NLGN1: variants seen among roughly 807,000 people sequenced by gnomAD.
NLGN1 encodes neuroligin 1, also known as neuroligin-1.
Under a neutral mutation model 65.5 loss-of-function variants are expected in NLGN1, and 12 were observed. The observed-to-expected ratio is 0.18, with a 90% CI of 0.12 to 0.30. The LOEUF (loss-of-function observed/expected upper bound fraction) is 0.30, where lower values mean the gene tolerates loss of function less well. Among genes scored for constraint, NLGN1 ranks in the 10% least tolerant of loss-of-function variants. The pLI is 1.00. For missense variants in NLGN1, 750 were observed against 1,007.1 expected, an observed-to-expected ratio of 0.74 and a Z score of 3.46; for synonymous variants, 350 against 359.5, an observed-to-expected ratio of 0.97 and a Z score of 0.30.
At chr3:173,519,731 C>G (rs1486501944) in intron 2 of NLGN1, among the ~76,000 whole-genome samples, 2 of 150,990 alleles carry the variant, frequency 1.3e-5, no homozygotes, top group African/African-American at 2.4e-5. Flanking sequence ...TATTTTACAC[C>G]CTTTTAAGTG....
chr3:173,911,439 G>A (rs1739571775), intron 4 of NLGN1, among the ~76,000 whole-genome samples: 1 of 152,168 alleles, frequency 6.6e-6, no homozygotes, highest in Non-Finnish European at 1.5e-5. Flanking sequence ...TGTCTAATGA[G>A]TCAAAAATAT....
intron 2 of NLGN1, among the ~76,000 whole-genome samples, chr3:173,489,899 G>A (rs1728819957): frequency 6.6e-6 from 1 of 152,062 alleles, no homozygotes; most frequent in African/African-American, 2.4e-5. Context: ...AGAAGTGTCT[G>A]TTCATATCCT....
chr3:173,587,896 A>C (rs934522708), intron 2 of NLGN1, among the ~76,000 whole-genome samples: 18 of 151,790 alleles, frequency 1.2e-4, no homozygotes, highest in African/African-American at 4.1e-4. Flanking sequence ...TTTGCTATAG[A>C]TTCTTTCTAT....
intron 4 of NLGN1, among the ~76,000 whole-genome samples, chr3:173,809,303 T>C (rs1297171868): frequency 6.6e-6 from 1 of 152,204 alleles, no homozygotes; most frequent in East Asian, 1.9e-4. Context: ...CCTTGAATTC[T>C]TAAATCTTAA....
chr3:174,154,993 T>TATTATAA (rs1553948777), intron 4 of NLGN1, among the ~76,000 whole-genome samples: 2,333 of 122,410 alleles, frequency 0.019, 51 homozygotes, highest in Middle Eastern at 0.073. Context: ...TATTATATAT[T>TATTATAA]ATATATATTT....
At chr3:174,144,129 T>G (rs1379562419) in intron 4 of NLGN1, among the ~76,000 whole-genome samples, 1 of 152,188 alleles carries the variant, frequency 6.6e-6, no homozygotes, top group Non-Finnish European at 1.5e-5. Context: ...TGTGTTCTCA[T>G]TGTTCAACTC....
intron 4 of NLGN1, among the ~76,000 whole-genome samples, chr3:174,105,724 T>TCTATATCTATATGTAG (rs1561054070): frequency 2.0e-5 from 3 of 152,128 alleles, no homozygotes; most frequent in African/African-American, 4.8e-5. Flanking sequence ...TAGATATATA[T>TCTATATCTATATGTAG]ATATCTTACT....
intron 2 of NLGN1, among the ~76,000 whole-genome samples, chr3:173,474,173 C>T (rs564153962): frequency 1.3e-5 from 2 of 151,962 alleles, no homozygotes; most frequent in Non-Finnish European, 2.9e-5. Context: ...TCTCTTCCTC[C>T]TCTTGCTCCT....
chr3:173,792,587 G>A (rs1713044175), intron 3 of NLGN1, among the ~76,000 whole-genome samples: 1 of 151,988 alleles, frequency 6.6e-6, no homozygotes, highest in South Asian at 2.1e-4. Context: ...AAATACACAA[G>A]GTCTAAGGAT....
chr3:173,984,039 C>A (rs1007329297), intron 4 of NLGN1, among the ~76,000 whole-genome samples: 1 of 152,148 alleles, frequency 6.6e-6, no homozygotes, highest in Non-Finnish European at 1.5e-5. Context: ...TGTCTCAGGA[C>A]GACTAGCATA....
intron 4 of NLGN1, among the ~76,000 whole-genome samples, chr3:173,972,465 T>G (rs920501853): frequency 1.3e-5 from 2 of 152,138 alleles, no homozygotes; most frequent in Non-Finnish European, 2.9e-5. Context: ...TATTTGGCAT[T>G]CTGGCACATT....
chr3:173,397,842 A>C (rs1238697554), upstream of NLGN1: 1 of 152,110 alleles, frequency 6.6e-6, no homozygotes, highest in East Asian at 2.0e-4. Flanking sequence ...CACGGCAGGA[A>C]AGGCGAGTCG....
chr3:174,063,036 G>A (rs1419277213), intron 4 of NLGN1, among the ~76,000 whole-genome samples: 2 of 151,990 alleles, frequency 1.3e-5, no homozygotes, highest in Non-Finnish European at 2.9e-5. Context: ...TCCTCTGAAA[G>A]AAAACTCTAT....
intron 3 of NLGN1, among the ~76,000 whole-genome samples, chr3:173,646,098 C>T (rs1007626228): frequency 6.6e-6 from 1 of 152,094 alleles, no homozygotes; most frequent in African/African-American, 2.4e-5. Context: ...TGGTCCATCC[C>T]GTGGTATGTG....
At chr3:173,829,562 GTGTGTGTGTT>G (rs1168032853) in intron 4 of NLGN1, among the ~76,000 whole-genome samples, 2,012 of 142,226 alleles carry the variant, frequency 0.014, 48 homozygotes, top group African/African-American at 0.054. Flanking sequence ...GCGTGTGTGT[GTGTGTGTGTT>G]TGTGTGTGTG....
At chr3:174,081,424 TTACATA>T (rs1296732439) in intron 4 of NLGN1, among the ~76,000 whole-genome samples, 2 of 152,016 alleles carry the variant, frequency 1.3e-5, no homozygotes, top group Non-Finnish European at 1.5e-5. Flanking sequence ...CCACTTCCTG[TTACATA>T]TAAGGTGTCT....
chr3:173,442,613 T>A (rs1380735749), intron 2 of NLGN1, among the ~76,000 whole-genome samples: 3 of 152,170 alleles, frequency 2.0e-5, no homozygotes. Context: ...TTTCAGTAAT[T>A]ATTGAGTCTT....
intron 3 of NLGN1, among the ~76,000 whole-genome samples, chr3:173,774,695 A>G (rs1307337070): frequency 6.6e-6 from 1 of 152,102 alleles, no homozygotes; most frequent in Non-Finnish European, 1.5e-5. Flanking sequence ...ATTTAAGATC[A>G]CTTGCTCTCT....
intron 2 of NLGN1, among the ~76,000 whole-genome samples, chr3:173,485,763 A>G (rs1387022348): frequency 2.0e-5 from 3 of 152,210 alleles, no homozygotes; most frequent in South Asian, 4.1e-4. Context: ...ATATATTTAC[A>G]TAGAATCCCG....
Sources: gnomAD v4.1 joint callset for allele counts (sites outside exome capture counted in the v4.1 genomes callset) on GRCh38, gnomAD v4.1.1 for gene constraint, MANE v1.5 for transcripts, NCBI Gene and HGNC (gene_info 2026-07-23, HGNC 2026-07-21) for gene names.